The following PIWIL3 variants were observed in gnomAD, a reference collection of about 807,000 sequenced individuals.
PIWIL3 encodes the protein piwi like RNA-mediated gene silencing 3, also known as piwi-like protein 3.
PIWIL3 carries 101 observed loss-of-function variants against 109.7 expected under a neutral mutation model. The ratio of observed to expected loss-of-function variants is 0.92; its 90% CI spans 0.78 to 1.09. The LOEUF is 1.09. Ranked by LOEUF, PIWIL3 falls within the 50% of genes least tolerant of loss-of-function variation. The pLI is 0.00. For synonymous variants in PIWIL3, 373 were observed against 376.4 expected (o/e 0.99, Z 0.10); for missense variants, 1,031 against 1,072.6 (o/e 0.96, Z 0.54).
intron 1 of PIWIL3, among the ~76,000 whole-genome samples, chr22:24,770,513 GA>G (rs1454734200): frequency 1.3e-5 from 2 of 151,748 alleles, no homozygotes; most frequent in Non-Finnish European, 2.9e-5. Flanking sequence ...AATTCCAGGG[GA>G]GGCTAATTTG....
At chr22:24,767,420 G>A (rs1925863761) in intron 1 of PIWIL3, among the ~76,000 whole-genome samples, 1 of 151,756 alleles carries the variant, frequency 6.6e-6, no homozygotes, top group African/African-American at 2.4e-5. Flanking sequence ...GTGTGGTGAT[G>A]TGTGCCTGTA....
chr22:24,743,190 T>A (rs1924111054), intron 12 of PIWIL3, among the ~76,000 whole-genome samples: 1 of 151,198 alleles, frequency 6.6e-6, no homozygotes, highest in Non-Finnish European at 1.5e-5. Flanking sequence ...AAAAAAAAAA[T>A]CAAAAGACAG....
At chr22:24,744,207 A>AAAAAAAAAAAAAC (rs1569103685) in intron 12 of PIWIL3, among the ~76,000 whole-genome samples, 1 of 135,036 alleles carries the variant, frequency 7.4e-6, no homozygotes, top group Non-Finnish European at 1.6e-5. Context: ...AAAAAAAAAA[A>AAAAAAAAAAAAAC]CAATGATCTG....
chr22:24,727,500 ACAACAACAAC>A (rs1923067658), intron 16 of PIWIL3, among the ~76,000 whole-genome samples: 1 of 152,144 alleles, frequency 6.6e-6, no homozygotes, highest in Admixed American at 6.5e-5. Context: ...ACAACAACAA[ACAACAACAAC>A]AAAAACCAGG....
In PIWIL3 at chr22:24,755,811, A is replaced by C. The variant is rs1924991448; in HGVS notation, c.665T>G (p.Leu222Arg). The C allele has an allele frequency of 6.2e-7, 1 of 1,614,118 alleles. No homozygotes were observed. Among genetic ancestry groups the C allele is most frequent in the Non-Finnish European group, 8.5e-7 (1 of 1,179,978 alleles). Residue 222 changes from leucine to arginine, a missense_variant, in exon 6 of 21, where the codon CTA becomes CGA. Physicochemically the swap from Leu to Arg is moderately radical, Grantham distance 102 (BLOSUM62 -2). Coordinates refer to ENST00000616349, the MANE Select transcript of PIWIL3 (RefSeq NM_001255975.1). ...KELTPTSPDC[L>R]RYYNILFRRT... ...TCTAAAGAGAATGTTGTAATAGCGT[A>C]GGCAATCTGGCGACGTGGGCGTGAG...
At chr22:24,751,198 C>A (rs571382942) in intron 9 of PIWIL3, among the ~76,000 whole-genome samples, 189 bp downstream of exon 9, 1 of 151,880 alleles carries the variant, frequency 6.6e-6, no homozygotes, top group Non-Finnish European at 1.5e-5. Flanking sequence ...TGGCACCATT[C>A]TAGTTATGTG....
chr22:24,721,056 T>C lies in PIWIL3; in HGVS notation c.2358-1161A>G, dbSNP rs147612829. On this transcript the variant is annotated intron_variant, in intron 19 of 20. Coordinates refer to ENST00000616349, the MANE Select transcript of PIWIL3 (RefSeq NM_001255975.1). The stretch of plus-strand genomic sequence containing the variant: ...TGCATTTCATTCTCTCTTAACTGTT[T>C]GATTTCCTTCTTCCTGAAATACAGT... Among the ~76,000 whole-genome samples the C allele has an allele frequency of 5.5e-3, 842 of 152,300 alleles. 7 individuals are homozygous for C. The highest frequency in any genetic ancestry group is 0.018 in the African/African-American group (768 of 41,564).
chr22:24,720,259 GTTTTTTTTTTTTTTTTT>G (rs56087060), intron 19 of PIWIL3, among the ~76,000 whole-genome samples: 4 of 105,492 alleles, frequency 3.8e-5, no homozygotes, highest in Non-Finnish European at 2.0e-5. Context: ...TATTTAAACT[GTTTTTTTTTTTTTTTTT>G]TTTTTTTTTT....
chr22:24,722,510 C>T (rs1039648149), intron 19 of PIWIL3, among the ~76,000 whole-genome samples: 1 of 152,026 alleles, frequency 6.6e-6, no homozygotes, highest in South Asian at 2.1e-4. Flanking sequence ...GTCAGGAGTT[C>T]GAGACCAGCC....
intron 1 of PIWIL3, among the ~76,000 whole-genome samples, chr22:24,765,107 GT>G (rs891111452): frequency 2.6e-5 from 4 of 152,104 alleles, no homozygotes; most frequent in African/African-American, 7.2e-5. Context: ...TTTGAATTTT[GT>G]TTTTATTTTC....
intron 14 of PIWIL3, among the ~76,000 whole-genome samples, chr22:24,729,605 G>C (rs1326852977): frequency 6.6e-6 from 1 of 152,186 alleles, no homozygotes. Flanking sequence ...GCCTGTTCCT[G>C]ACTTGCTTGG....
chr22:24,745,563 C>CAAAG (rs1458962785), intron 12 of PIWIL3, among the ~76,000 whole-genome samples: 1 of 151,546 alleles, frequency 6.6e-6, no homozygotes, highest in African/African-American at 2.4e-5. Context: ...AATAAACAAA[C>CAAAG]AAACAAACAA....
chr22:24,750,979 C>T (rs1261715257), intron 9 of PIWIL3, among the ~76,000 whole-genome samples: 1 of 151,656 alleles, frequency 6.6e-6, no homozygotes, highest in East Asian at 2.0e-4. Flanking sequence ...CAAAAATTAG[C>T]CAGGCGTGGT....
chr22:24,737,237 T>C (rs1400860019), intron 12 of PIWIL3, among the ~76,000 whole-genome samples: 1 of 152,200 alleles, frequency 6.6e-6, no homozygotes, highest in Non-Finnish European at 1.5e-5. Flanking sequence ...TCTTGTATCT[T>C]GGATACCAGC....
intron 4 of PIWIL3, 79 bp downstream of exon 4, chr22:24,757,829 C>G (rs1925179400): frequency 6.9e-7 from 1 of 1,455,490 alleles, no homozygotes; most frequent in Non-Finnish European, 9.1e-7. Flanking sequence ...CAGAGCAGGA[C>G]CTTGTCTCTC....
chr22:24,724,025 CAAGACTTGAAACAAAGTAGG>C (rs1922840656), intron 18 of PIWIL3, among the ~76,000 whole-genome samples: 4 of 152,126 alleles, frequency 2.6e-5, no homozygotes, highest in Admixed American at 2.0e-4. Flanking sequence ...CTTCCCACAG[CAAGACTTGAAACAAAGTAGG>C]AAGATTCCCT....
chr22:24,730,723 G>A (rs190169451), intron 14 of PIWIL3, among the ~76,000 whole-genome samples: 69 of 152,280 alleles, frequency 4.5e-4, no homozygotes, highest in Middle Eastern at 3.4e-3. Flanking sequence ...GAAAGGTTTA[G>A]ATCGGATTAA....
At position 24,724,956 on chromosome 22, in the gene PIWIL3, T is replaced by C. The variant is rs761198759; in HGVS notation, c.2162A>G (p.Gln721Arg). The C allele has an allele frequency of 6.2e-7, 1 of 1,614,234 alleles. No homozygotes were observed. The highest frequency in any genetic ancestry group is 1.7e-5 in the Admixed American group (1 of 60,032). The change falls in exon 18 of 21, where the codon CAG (glutamine) becomes CGG (arginine). Residue 721 changes from glutamine to arginine, a missense_variant. Gln to Arg is a conservative substitution (Grantham distance 43). Coordinates refer to ENST00000616349, the MANE Select transcript of PIWIL3 (RefSeq NM_001255975.1). ...TTCATGGTCAAGCAATGCTTGAAGC[T>C]GACCATCTCCCACTCCATCCCGATA... ...IVYRDGVGDG[Q>R]LQALLDHEAK...
chr22:24,755,570 G>A (rs1924976138), intron 6 of PIWIL3, among the ~76,000 whole-genome samples: 1 of 152,174 alleles, frequency 6.6e-6, no homozygotes, highest in Non-Finnish European at 1.5e-5. Flanking sequence ...CAAAGAACGG[G>A]CATCGGCCAG....
Sources: allele counts gnomAD v4.1 joint callset (sites outside exome capture counted in the v4.1 genomes callset), GRCh38; gene constraint gnomAD v4.1.1; transcripts MANE v1.5; gene names NCBI Gene and HGNC (gene_info 2026-07-23, HGNC 2026-07-21).